AXIN2: variants seen among roughly 807,000 people sequenced by gnomAD.
The protein encoded by AXIN2 is axin 2, also known as axin-2.
Under a neutral mutation model 74.7 loss-of-function variants are expected in AXIN2, and 21 were observed. The observed-to-expected ratio is 0.28, with a 90% CI of 0.20 to 0.40. The LOEUF is 0.40. Ranked by LOEUF, AXIN2 falls within the 10% of genes least tolerant of loss-of-function variation. The pLI is 1.00. For synonymous variants in AXIN2, 532 were observed against 454.9 expected (o/e 1.17, Z -2.16); for missense variants, 1,144 against 1,111.1 (o/e 1.03, Z -0.42).
chr17:65,553,150 C>G (rs1408985531), intron 2 of AXIN2, among the ~76,000 whole-genome samples: 1 of 152,230 alleles, frequency 6.6e-6, no homozygotes, highest in Admixed American at 6.5e-5. Flanking sequence ...ATGTTGAACA[C>G]CTGTCCTGTG....
chr17:65,539,965 G>A (rs564394730), intron 4 of AXIN2, among the ~76,000 whole-genome samples: 42 of 152,308 alleles, frequency 2.8e-4, no homozygotes, highest in African/African-American at 9.9e-4. Context: ...GGTCCCAGAA[G>A]AGCCCTTCAT....
At chr17:65,549,785 T>A in intron 2 of AXIN2, 125 bp from the exon 3 acceptor site, 1 of 1,256,828 alleles carries the variant, frequency 8.0e-7, no homozygotes, top group Non-Finnish European at 1.1e-6. Context: ...GCTGCCCAGG[T>A]CCAGTTGCTC....
rs1168312455 is a variant in AXIN2, at chr17:65,536,874, G to C, written c.1902C>G (p.Pro634=). The C allele has an allele frequency of 6.2e-7, 1 of 1,613,152 alleles. No individual in the cohort carries two copies. The highest frequency in any genetic ancestry group is 8.5e-7 in the Non-Finnish European group (1 of 1,179,912). ...LESERQSKPK[P]HSAQSTKKAY... ...CGGCGGCAAGCGGTGTTTACCTATG[G>C]GGCTTGGGCTTGCTCTGCCGCTCAC... is the stretch of plus-strand genomic sequence containing the variant. The change falls in exon 7 of 11, where the codon CCC becomes CCG. Residue 634 remains proline, a synonymous_variant. Transcript: ENST00000307078.
In AXIN2 at chr17:65,561,473, G is replaced by A. The variant is rs1399823886; in HGVS notation, c.-140C>T. On this transcript the variant is annotated 5_prime_UTR_variant, in exon 1 of 11. Coordinates refer to ENST00000307078, the MANE Select transcript of AXIN2 (RefSeq NM_004655.4). ...ACCTTTTACAGCAGGGCCTTCGGCG[G>A]GCGCCTCGGCCGCCGGGCGGCCCCG... 2 of 150,190 alleles carry A rather than the reference G, an allele frequency of 1.3e-5. No homozygotes were observed. The highest frequency in any genetic ancestry group is 3.0e-5 in the Non-Finnish European group (2 of 67,166). 9.3% of individuals were successfully genotyped at this position (150,190 alleles called of 1,614,324 possible).
At chr17:65,541,432 T>C in intron 4 of AXIN2, 23 bp downstream of exon 4, 1 of 1,590,296 alleles carries the variant, frequency 6.3e-7, no homozygotes, top group Non-Finnish European at 8.6e-7. Context: ...AACAGCTGTC[T>C]CCTCACTCCA....
intron 3 of AXIN2, among the ~76,000 whole-genome samples, chr17:65,544,506 A>C (rs2044089895): frequency 6.6e-6 from 1 of 152,096 alleles, no homozygotes. Flanking sequence ...GAAAGGCTTA[A>C]CAGGCACCTT....
chr17:65,544,305 G>A (rs191511233), intron 3 of AXIN2, among the ~76,000 whole-genome samples: 1 of 151,858 alleles, frequency 6.6e-6, no homozygotes, highest in African/African-American at 2.4e-5. Context: ...GGGATGGGGA[G>A]GGGAGTAGAT....
intron 9 of AXIN2, 100 bp from the exon 10 acceptor site, chr17:65,534,179 C>G (rs1176456173): frequency 7.0e-7 from 1 of 1,432,914 alleles, no homozygotes; most frequent in Admixed American, 1.7e-5. Flanking sequence ...GACAGGGTAT[C>G]CAAACACTAG....
At position 65,529,862 on chromosome 17, in the gene AXIN2, G is replaced by GTCT; in HGVS notation, c.*111_*113dup. 1 of 1,572,886 alleles carries GTCT rather than the reference G, an allele frequency of 6.4e-7. No individual in the cohort carries two copies. Among genetic ancestry groups the GTCT allele is most frequent in the Non-Finnish European group, 8.7e-7 (1 of 1,152,426 alleles). ...ACTGGCCGATTCTTCCTTAGACTTT[G>GTCT]TCTTCTTCATTGGTTTAATTTTCCT... On this transcript the variant is annotated 3_prime_UTR_variant, in exon 11 of 11. Coordinates refer to ENST00000307078, the MANE Select transcript of AXIN2 (RefSeq NM_004655.4).
intron 10 of AXIN2, among the ~76,000 whole-genome samples, chr17:65,530,943 A>C (rs2043805239): frequency 6.6e-6 from 1 of 152,232 alleles, no homozygotes; most frequent in South Asian, 2.1e-4. Context: ...ACATTCGGAA[A>C]CAACTGCTGT....
intron 9 of AXIN2, among the ~76,000 whole-genome samples, chr17:65,535,421 T>C (rs1022508160): frequency 4.6e-5 from 7 of 152,226 alleles, no homozygotes; most frequent in African/African-American, 1.4e-4. Flanking sequence ...GATTTGTGTA[T>C]GACCAGAAAA....
intron 2 of AXIN2, among the ~76,000 whole-genome samples, chr17:65,553,428 C>G (rs951459008): frequency 1.2e-4 from 18 of 152,118 alleles, no homozygotes; most frequent in African/African-American, 4.1e-4. Context: ...ACACATCAAC[C>G]ATGTCTCCAC....
chr17:65,543,529 T>C (rs182449557), intron 3 of AXIN2, among the ~76,000 whole-genome samples: 11 of 152,282 alleles, frequency 7.2e-5, no homozygotes, highest in Non-Finnish European at 1.3e-4. Flanking sequence ...CAGACTTCAT[T>C]CTCATAAGAA....
At chr17:65,558,844 T>G in intron 1 of AXIN2, 108 bp from the exon 2 acceptor site, 1 of 584,438 alleles carries the variant, frequency 1.7e-6, no homozygotes, top group South Asian at 2.2e-5. Flanking sequence ...GCTTTTCAAC[T>G]CCTCAAATTC....
At position 65,537,587 on chromosome 17, in the gene AXIN2, G is replaced by T. The variant is rs765434564; in HGVS notation, c.1449C>A (p.Pro483=). Residue 483 remains proline (P), a synonymous_variant, in exon 6 of 11, where the codon CCC becomes CCA. Coordinates refer to ENST00000307078, the MANE Select transcript of AXIN2 (RefSeq NM_004655.4). ...HHSQYHSLLP[P]GGKLPPAAAS... is the part of the protein sequence containing the mutation. ...CGGCCGCGGGAGGCAGCTTGCCACC[G>T]GGCGGGAGCAGGGAGTGGTACTGCG... 6.2e-7 allele frequency: 1 copy of T among 1,606,920 alleles called. No homozygotes were observed. The highest frequency in any genetic ancestry group is 2.2e-5 in the East Asian group (1 of 44,608).
chr17:65,536,682 A>T, intron 7 of AXIN2, 129 bp from the exon 8 acceptor site: 1 of 1,378,894 alleles, frequency 7.3e-7, no homozygotes, highest in Non-Finnish European at 1.0e-6. Flanking sequence ...CTACCATAAC[A>T]TGAACAGGGG....
At chr17:65,553,603 C>G (rs1272544784) in intron 2 of AXIN2, among the ~76,000 whole-genome samples, 1 of 152,108 alleles carries the variant, frequency 6.6e-6, no homozygotes, top group African/African-American at 2.4e-5. Flanking sequence ...CCTTCACTTC[C>G]AACATAGAGG....
intron 8 of AXIN2, 118 bp from the exon 9 acceptor site, chr17:65,535,839 C>G: frequency 1.1e-6 from 1 of 911,604 alleles, no homozygotes; most frequent in East Asian, 2.6e-5. Context: ...GACTTCCATC[C>G]TTACGGAGAC....
At chr17:65,548,743 C>T (rs1823470811) in intron 3 of AXIN2, among the ~76,000 whole-genome samples, 1 of 152,164 alleles carries the variant, frequency 6.6e-6, no homozygotes, top group Non-Finnish European at 1.5e-5. Context: ...GCTGTCCATC[C>T]ACAGAGATTG....
Sources: gnomAD v4.1 joint callset for allele counts (sites outside exome capture counted in the v4.1 genomes callset) on GRCh38, gnomAD v4.1.1 for gene constraint, MANE v1.5 for transcripts, NCBI Gene and HGNC (gene_info 2026-07-23, HGNC 2026-07-21) for gene names.